VTA1: variants seen among roughly 807,000 people sequenced by gnomAD.
VTA1 encodes the protein vesicle trafficking 1.
A neutral mutation model predicts 36.9 loss-of-function variants in VTA1; 24 were observed. That is an observed-to-expected ratio of 0.65 (90% CI 0.47 to 0.91). The LOEUF is 0.91. Among genes scored for constraint, VTA1 ranks in the 40% least tolerant of loss-of-function variants. VTA1 has a pLI of 0.00. For missense variants in VTA1, 393 were observed against 377.2 expected (o/e 1.04, Z -0.35); for synonymous variants, 142 against 130.2 (o/e 1.09, Z -0.62).
At position 142,172,836 on chromosome 6, in the gene VTA1, G is replaced by C. The variant is rs560862460; in HGVS notation, c.411+2415G>C. Among the ~76,000 whole-genome samples the C allele has an allele frequency of 3.3e-5, 5 of 152,240 alleles. No individual in the cohort carries two copies. The East Asian group carries it at 9.6e-4, about 29-fold the overall frequency. On this transcript the variant is annotated intron_variant, in intron 4 of 7. Transcript: ENST00000367630. ...ATTAGAAGAGTAAGTCATAAGCCAG[G>C]TCAGACAGATGATGGAAGACCTACA...
In VTA1 at chr6:142,218,848, C is replaced by G; in HGVS notation, c.*205C>G. 1 of 531,432 alleles carries G rather than the reference C, an allele frequency of 1.9e-6. No individual in the cohort carries two copies. Among genetic ancestry groups the G allele is most frequent in the Non-Finnish European group, 3.1e-6 (1 of 320,716 alleles). The allele number at this position is 531,432 out of a possible 1,614,324, so 32.9% of individuals were successfully genotyped here. A position where few individuals can be genotyped will look rare whatever the true frequency, so the allele number is the denominator to read the frequency against. On this transcript the variant is annotated 3_prime_UTR_variant, in exon 8 of 8. Coordinates refer to ENST00000367630, the MANE Select transcript of VTA1 (RefSeq NM_016485.5). ...TTGTCCATTTACTAGATTCAATCGT[C>G]TCTGAGTATATAGGGCTGATGTTAG...
chr6:142,161,263 A>G (rs563361727), intron 1 of VTA1, among the ~76,000 whole-genome samples: 73 of 152,268 alleles, frequency 4.8e-4, no homozygotes, highest in Middle Eastern at 3.4e-3. Flanking sequence ...ATTCAGTTCT[A>G]TTTTTTGGAA....
chr6:142,165,766 AAG>A (rs776742499), intron 1 of VTA1, among the ~76,000 whole-genome samples: 1 of 152,190 alleles, frequency 6.6e-6, no homozygotes, highest in South Asian at 2.1e-4. Flanking sequence ...TATTTATTCA[AAG>A]AGAGAGTATA....
chr6:142,177,166 T>C (rs1287470614), intron 4 of VTA1, among the ~76,000 whole-genome samples: 1 of 152,244 alleles, frequency 6.6e-6, no homozygotes, highest in Non-Finnish European at 1.5e-5. Flanking sequence ...TATGTCTAAT[T>C]ACAGTAGAAA....
chr6:142,218,824 T>C lies in VTA1; in HGVS notation c.*181T>C, dbSNP rs1776050867. On this transcript the variant is annotated 3_prime_UTR_variant, in exon 8 of 8. Transcript: ENST00000367630. ...ATCAGCAGCCTCAACCAGTTTTCAT[T>C]GTCCATTTACTAGATTCAATCGTCT... 7 of 648,146 alleles carry C rather than the reference T, an allele frequency of 1.1e-5. No homozygotes were observed. In the East Asian group the frequency reaches 2.3e-4, roughly 21 times the overall value. 40.1% of individuals were successfully genotyped at this position (648,146 alleles called of 1,614,324 possible).
chr6:142,167,338 A>C (rs976772373), intron 2 of VTA1, among the ~76,000 whole-genome samples: 8 of 152,186 alleles, frequency 5.3e-5, no homozygotes, highest in African/African-American at 1.9e-4. Flanking sequence ...CTCTTTTAAC[A>C]AAGTCAGGGT....
intron 4 of VTA1, among the ~76,000 whole-genome samples, chr6:142,183,673 T>G (rs1272740119): frequency 6.6e-6 from 1 of 152,182 alleles, no homozygotes; most frequent in Admixed American, 6.5e-5. Context: ...AAAATACATC[T>G]TGAAAATTTC....
intron 2 of VTA1, among the ~76,000 whole-genome samples, chr6:142,167,534 TTTA>T (rs1420711245): frequency 2.0e-5 from 3 of 152,212 alleles, no homozygotes; most frequent in African/African-American, 7.2e-5. Context: ...CCCAGAGCTT[TTTA>T]TTGTTTTCAT....
chr6:142,191,878 G>C (rs181712285), intron 5 of VTA1, among the ~76,000 whole-genome samples: 5 of 152,070 alleles, frequency 3.3e-5, no homozygotes, highest in Admixed American at 3.3e-4. Flanking sequence ...ATTATATTCT[G>C]TTGTGTTTTA....
Position 142,179,646 on chromosome 6 carries a change from C to T in VTA1, c.411+9225C>T, listed in dbSNP as rs760722788. 5.9e-5 allele frequency among the ~76,000 whole-genome samples: 9 copies of T among 151,926 alleles called. No homozygotes were observed. In the South Asian group the frequency reaches 6.2e-4, roughly 11 times the overall value. On this transcript the variant is annotated intron_variant, in intron 4 of 7. Transcript: ENST00000367630. ...TCATATACATATGTGTGTACATGCG[C>T]GCACACCAAAGGAAGTTGATCTGGG...
rs777093199 is a variant in VTA1, at chr6:142,211,381, GACTTTT to G, written c.779-7116_779-7111del. ...TCCAGATGACTTTGGGTTGAGCAATGACTTTTTAAATGCATGACCTATAAAAGAAAG... is the reference window on the plus strand; with the variant it reads ...TCCAGATGACTTTGGGTTGAGCAATGTAAATGCATGACCTATAAAAGAAAG... On this transcript the variant is annotated intron_variant, in intron 7 of 7. Coordinates refer to ENST00000367630, the MANE Select transcript of VTA1 (RefSeq NM_016485.5). Among the ~76,000 whole-genome samples, 246 of 152,234 alleles carry G rather than the reference GACTTTT, an allele frequency of 1.6e-3. 1 individual carries two copies. Among genetic ancestry groups the G allele is most frequent in the Middle Eastern group, 3.4e-3 (1 of 294 alleles).
chr6:142,172,663 TTTC>T (rs1775050055), intron 4 of VTA1, among the ~76,000 whole-genome samples: 1 of 152,226 alleles, frequency 6.6e-6, no homozygotes, highest in South Asian at 2.1e-4. Context: ...CAAATTTTCT[TTTC>T]TTCTCTGTTT....
chr6:142,155,567 T>C (rs1470750499), intron 1 of VTA1, among the ~76,000 whole-genome samples: 1 of 152,224 alleles, frequency 6.6e-6, no homozygotes, highest in Non-Finnish European at 1.5e-5. Flanking sequence ...TCCATATGTC[T>C]ATCTGAAGAA....
At chr6:142,169,904 A>G (rs1774996517) in intron 3 of VTA1, among the ~76,000 whole-genome samples, 1 of 152,172 alleles carries the variant, frequency 6.6e-6, no homozygotes, top group African/African-American at 2.4e-5. Context: ...CTTAGTAAAT[A>G]TGCTCTACTT....
At chr6:142,177,481 A>C (rs909430260) in intron 4 of VTA1, among the ~76,000 whole-genome samples, 7 of 152,126 alleles carry the variant, frequency 4.6e-5, no homozygotes, top group Non-Finnish European at 8.8e-5. Flanking sequence ...CTAGCATGTA[A>C]GTGCTTTAAA....
At chr6:142,203,948 A>G in intron 6 of VTA1, 37 bp from the exon 7 acceptor site, 4 of 1,564,218 alleles carry the variant, frequency 2.6e-6, no homozygotes, top group Admixed American at 3.3e-5. Flanking sequence ...AAAAGGTGTA[A>G]TACTTCTATG....
At chr6:142,213,393 G>C (rs761040837) in intron 7 of VTA1, among the ~76,000 whole-genome samples, 1 of 152,198 alleles carries the variant, frequency 6.6e-6, no homozygotes, top group African/African-American at 2.4e-5. Flanking sequence ...GCTTTCACAG[G>C]CTGATGTTGA....
chr6:142,158,452 T>A lies in VTA1; in HGVS notation c.113-7776T>A, dbSNP rs1400763999. ...TGGTGGATTAATCAATTTTTCTATT[T>A]TTATGTGACTAAATGAATACATGAT... On this transcript the variant is annotated intron_variant, in intron 1 of 7. Coordinates refer to ENST00000367630, the MANE Select transcript of VTA1 (RefSeq NM_016485.5). Among the ~76,000 whole-genome samples the A allele has an allele frequency of 3.9e-5, 6 of 152,174 alleles. No homozygotes were observed. The East Asian group carries it at 1.2e-3, about 29-fold the overall frequency.
Position 142,165,250 on chromosome 6 carries a change from G to A in VTA1, c.113-978G>A, listed in dbSNP as rs531317909. The stretch of plus-strand genomic sequence containing the variant: ...GTGAGTTTAGGCAAAATGAGTGCTT[G>A]TATATGTTGCGGATACAATGGTGTA... On this transcript the variant is annotated intron_variant, in intron 1 of 7. Coordinates refer to ENST00000367630, the MANE Select transcript of VTA1 (RefSeq NM_016485.5). 7.2e-5 allele frequency among the ~76,000 whole-genome samples: 11 copies of A among 152,254 alleles called. No individual in the cohort carries two copies. In the South Asian group the frequency reaches 2.1e-3, roughly 29 times the overall value.
Sources: gnomAD v4.1 joint callset for allele counts (sites outside exome capture counted in the v4.1 genomes callset) on GRCh38, gnomAD v4.1.1 for gene constraint, MANE v1.5 for transcripts, NCBI Gene and HGNC (gene_info 2026-07-23, HGNC 2026-07-21) for gene names.